The following WDR19 variants were observed in gnomAD, a reference collection of about 807,000 sequenced individuals.
The protein encoded by WDR19 is WD repeat domain 19, also known as WD repeat-containing protein 19.
A neutral mutation model predicts 180.0 loss-of-function variants in WDR19; 121 were observed. The observed-to-expected ratio is 0.67, with a 90% CI of 0.58 to 0.78. The LOEUF is 0.78. WDR19 is among the 30% of genes least tolerant of loss of function. The pLI is 0.00. For synonymous variants in WDR19, 497 were observed against 540.7 expected (o/e 0.92, Z 1.12); for missense variants, 1,450 against 1,640.7 (o/e 0.88, Z 2.01).
chr4:39,230,939 C>T (rs1027092015), intron 17 of WDR19, among the ~76,000 whole-genome samples: 16 of 152,124 alleles, frequency 1.1e-4, no homozygotes, highest in Non-Finnish European at 2.2e-4. Context: ...ATATTTCAAG[C>T]TTTACGGGCC....
In WDR19 at chr4:39,244,567, C is replaced by G. The variant is rs150628352; in HGVS notation, c.2645+15C>G. ...TCTAAGAATTGGTAAGAGCTGCCTG[C>G]GGTTTGTTTCTGAACAGGATTGGAA... On this transcript the variant is annotated intron_variant, in intron 23 of 36. Coordinates refer to ENST00000399820, the MANE Select transcript of WDR19 (RefSeq NM_025132.4). 4 of 1,613,806 alleles carry G rather than the reference C, an allele frequency of 2.5e-6. No homozygotes were observed. Among genetic ancestry groups the G allele is most frequent in the Middle Eastern group, 1.7e-4 (1 of 6,060 alleles).
In WDR19 at chr4:39,194,524, T is replaced by A. The variant is rs1726508876; in HGVS notation, c.291-20T>A. The A allele has an allele frequency of 6.6e-7, 1 of 1,525,552 alleles. No individual in the cohort carries two copies. The highest frequency in any genetic ancestry group is 9.0e-7 in the Non-Finnish European group (1 of 1,108,860). The allele number at this position is 1,525,552 out of a possible 1,614,324, so 94.5% of individuals were successfully genotyped here. ...GTTATGATCGTGAATTGTTTAGTAA[T>A]TTATATCTTAATGTTACAGGGATCA... is the stretch of plus-strand genomic sequence containing the variant. On this transcript the variant is annotated intron_variant, in intron 4 of 36. Coordinates refer to ENST00000399820, the MANE Select transcript of WDR19 (RefSeq NM_025132.4).
intron 10 of WDR19, among the ~76,000 whole-genome samples, chr4:39,215,640 G>C (rs1728991139): frequency 6.6e-6 from 1 of 151,914 alleles, no homozygotes; most frequent in Non-Finnish European, 1.5e-5. Flanking sequence ...CTTTCCCTTT[G>C]AGCCACAGGG....
intron 14 of WDR19, among the ~76,000 whole-genome samples, chr4:39,223,831 T>G (rs1729958372): frequency 6.6e-6 from 1 of 152,258 alleles, no homozygotes; most frequent in South Asian, 2.1e-4. Context: ...GTTTTAGCTC[T>G]TCTAGTTTAT....
rs371744495 is a variant in WDR19 at position 39,215,997 on chromosome 4, C to G, written c.1118C>G (p.Ala373Gly). 130 of 1,605,260 alleles carry G rather than the reference C, an allele frequency of 8.1e-5. 1 individual carries two copies. Among genetic ancestry groups the G allele is most frequent in the Admixed American group, 2.2e-4 (13 of 58,510 alleles). Residue 373 changes from alanine to glycine, a missense_variant, in exon 11 of 37, where the codon GCC (alanine) becomes GGC (glycine). Coordinates refer to ENST00000399820, the MANE Select transcript of WDR19 (RefSeq NM_025132.4). ...ACCTCCCTCCTTGAAGTCACCGTAG[C>G]CAACCCTGTTGAAGGAGTATGAAAA... ...YLTSLLEVTV[A>G]NPVEGELPIT... is the part of the protein sequence containing the mutation.
At chr4:39,258,337 G>T (rs1467625682) in intron 28 of WDR19, among the ~76,000 whole-genome samples, 3 of 152,002 alleles carry the variant, frequency 2.0e-5, no homozygotes, top group African/African-American at 7.2e-5. Context: ...ATTTTTAGTA[G>T]AGACGGGGTT....
At chr4:39,225,122 TATTA>T (rs2109350333) in intron 15 of WDR19, 89 bp downstream of exon 15, 3 of 1,029,940 alleles carry the variant, frequency 2.9e-6, no homozygotes, top group Non-Finnish European at 4.0e-6. Context: ...TAAAATTTTC[TATTA>T]ATTAGTGCCA....
intron 32 of WDR19, 62 bp from the exon 33 acceptor site, chr4:39,274,746 C>T (rs1479863553): frequency 8.9e-6 from 14 of 1,570,244 alleles, no homozygotes; most frequent in East Asian, 4.5e-5. Context: ...GGTGGAATCC[C>T]GCCTGTATCA....
intron 7 of WDR19, among the ~76,000 whole-genome samples, chr4:39,204,343 C>T (rs188085900): frequency 0.011 from 1,636 of 152,264 alleles, 31 homozygotes; most frequent in African/African-American, 0.037. Flanking sequence ...CCTCGGCCTC[C>T]CAAAGTGCTG....
At position 39,244,355 on chromosome 4, in the gene WDR19, A is replaced by G; in HGVS notation, c.2529A>G (p.Lys843=). The G allele has an allele frequency of 6.2e-7, 1 of 1,614,014 alleles. No individual in the cohort carries two copies. The highest frequency in any genetic ancestry group is 8.5e-7 in the Non-Finnish European group (1 of 1,179,864). Residue 843 remains lysine, a synonymous_variant, in exon 22 of 37, where the codon AAA becomes AAG. Transcript: ENST00000399820. ...QALKHPSRVL[K]RDCGAILENM... ...TCAAGCATCCCAGCAGGGTCCTTAA[A>G]AGAGACTGTGGAGCCATATTGGAGA... is the stretch of plus-strand genomic sequence containing the variant.
chr4:39,224,795 T>G, intron 14 of WDR19, 89 bp from the exon 15 acceptor site: 1 of 1,165,016 alleles, frequency 8.6e-7, no homozygotes, highest in Non-Finnish European at 1.2e-6. Flanking sequence ...CTCTTAAAAT[T>G]AGAACATATG....
chr4:39,241,054 G>A (rs1288121128), intron 21 of WDR19, among the ~76,000 whole-genome samples: 2 of 151,418 alleles, frequency 1.3e-5, no homozygotes, highest in East Asian at 3.9e-4. Context: ...TATCTTTTAA[G>A]ATGACCCTGG....
intron 4 of WDR19, among the ~76,000 whole-genome samples, chr4:39,191,425 A>G (rs1726139336): frequency 1.3e-5 from 2 of 152,226 alleles, no homozygotes; most frequent in South Asian, 4.1e-4. Context: ...GAGCACTTCA[A>G]ACACCTGAAA....
chr4:39,264,782 T>G lies in WDR19; in HGVS notation c.3184-1281T>G, dbSNP rs542341019. Among the ~76,000 whole-genome samples the G allele has an allele frequency of 2.0e-5, 3 of 152,298 alleles. No individual in the cohort carries two copies. The South Asian group carries it at 6.2e-4, about 32-fold the overall frequency. On this transcript the variant is annotated intron_variant, in intron 28 of 36. Coordinates refer to ENST00000399820, the MANE Select transcript of WDR19 (RefSeq NM_025132.4). The stretch of plus-strand genomic sequence containing the variant: ...CCTAATTTTGTCAGTAATTCCCTAG[T>G]GCCTCCCCTAAATTCCTGACCTCAC...
intron 24 of WDR19, among the ~76,000 whole-genome samples, 178 bp from the exon 25 acceptor site, chr4:39,252,968 C>G (rs1304957289): frequency 6.6e-6 from 1 of 151,960 alleles, no homozygotes; most frequent in Admixed American, 6.6e-5. Context: ...TTATCAAATT[C>G]CTAAACAGAA....
chr4:39,218,171 A>C, intron 14 of WDR19, 66 bp downstream of exon 14: 1 of 1,538,514 alleles, frequency 6.5e-7, no homozygotes, highest in Non-Finnish European at 8.8e-7. Context: ...GATCTCAGTC[A>C]TTCTCTTTTC....
chr4:39,275,281 A>C, intron 33 of WDR19: 1 of 343,718 alleles, frequency 2.9e-6, no homozygotes. Flanking sequence ...CAGAGGTTGC[A>C]GTGAGCCGAG....
At chr4:39,274,674 T>A in intron 32 of WDR19, 134 bp from the exon 33 acceptor site, 3 of 1,040,314 alleles carry the variant, frequency 2.9e-6, no homozygotes, top group Non-Finnish European at 4.2e-6. Flanking sequence ...ACAGATCATA[T>A]CTGGTTCTTT....
chr4:39,271,094 ACCACG>A (rs1735321929), intron 31 of WDR19, among the ~76,000 whole-genome samples: 1 of 151,960 alleles, frequency 6.6e-6, no homozygotes, highest in Non-Finnish European at 1.5e-5. Flanking sequence ...ATGGGGTTTC[ACCACG>A]TTGGCCAGGC....
Sources: allele counts gnomAD v4.1 joint callset (sites outside exome capture counted in the v4.1 genomes callset), GRCh38; gene constraint gnomAD v4.1.1; transcripts MANE v1.5; gene names NCBI Gene and HGNC (gene_info 2026-07-23, HGNC 2026-07-21).